Variants in WDR17 observed in about 807,000 individuals in gnomAD.
WDR17 encodes WD repeat-containing protein 17.
A neutral mutation model predicts 161.7 loss-of-function variants in WDR17; 143 were observed. That is an observed-to-expected ratio of 0.88 (90% confidence interval 0.77 to 1.02). The LOEUF is 1.02. Among genes scored for constraint, WDR17 ranks in the 50% least tolerant of loss-of-function variants. The pLI, the probability that WDR17 is intolerant of heterozygous loss-of-function variation, is 0.00. For synonymous variants in WDR17, 517 were observed against 515.6 expected (o/e 1.00, Z -0.04); for missense variants, 1,469 against 1,520.9 (o/e 0.97, Z 0.57).
intron 28 of WDR17, among the ~76,000 whole-genome samples, chr4:176,178,044 C>CAATAA (rs1382622669): frequency 9.3e-6 from 1 of 107,056 alleles, no homozygotes; most frequent in Non-Finnish European, 1.9e-5. Context: ...TCCCACCTCC[C>CAATAA]AATAATATAC....
chr4:176,077,106 A>G (rs1417823310), intron 1 of WDR17, among the ~76,000 whole-genome samples: 1 of 151,514 alleles, frequency 6.6e-6, no homozygotes, highest in Non-Finnish European at 1.5e-5. Flanking sequence ...CTGAAGAGCT[A>G]CACTTCCTTA....
chr4:176,084,156 C>G (rs1648379742), intron 1 of WDR17, among the ~76,000 whole-genome samples: 1 of 151,858 alleles, frequency 6.6e-6, no homozygotes, highest in South Asian at 2.1e-4. Context: ...TTTTGTGTTG[C>G]TATAAAGGCA....
chr4:176,095,687 T>A (rs919740843), intron 1 of WDR17, among the ~76,000 whole-genome samples: 1 of 152,074 alleles, frequency 6.6e-6, no homozygotes, highest in Non-Finnish European at 1.5e-5. Context: ...TTCCCTTCCT[T>A]CTTTCCTCGC....
chr4:176,092,848 C>T (rs1736305036), intron 1 of WDR17, among the ~76,000 whole-genome samples: 1 of 152,118 alleles, frequency 6.6e-6, no homozygotes, highest in Non-Finnish European at 1.5e-5. Flanking sequence ...TCAAGACCAG[C>T]CTGGCCAACA....
chr4:176,080,027 C>G (rs1339892867), intron 1 of WDR17, among the ~76,000 whole-genome samples: 1 of 151,828 alleles, frequency 6.6e-6, no homozygotes, highest in Non-Finnish European at 1.5e-5. Context: ...TTTAAAGGCC[C>G]CACGTTTCAA....
intron 22 of WDR17, chr4:176,166,062 G>A (rs1749731971): frequency 2.3e-6 from 2 of 887,794 alleles, no homozygotes; most frequent in South Asian, 3.5e-5. Flanking sequence ...TACTGTAAAA[G>A]TCTGTTTCTT....
At chr4:176,093,469 T>G (rs1736399073) in intron 1 of WDR17, among the ~76,000 whole-genome samples, 1 of 152,206 alleles carries the variant, frequency 6.6e-6, no homozygotes, top group Admixed American at 6.5e-5. Context: ...CAATGAAAAC[T>G]ACTTTACTTC....
chr4:176,153,167 G>T (rs970967748), intron 17 of WDR17, among the ~76,000 whole-genome samples: 9 of 152,134 alleles, frequency 5.9e-5, no homozygotes, highest in Non-Finnish European at 1.0e-4. Context: ...CTTGCATGCT[G>T]AAGTTTGAGA....
intron 1 of WDR17, among the ~76,000 whole-genome samples, chr4:176,077,121 A>T (rs893624201): frequency 1.3e-5 from 2 of 150,928 alleles, no homozygotes; most frequent in African/African-American, 4.9e-5. Flanking sequence ...TCCTTAGAGT[A>T]TAGTACTACT....
chr4:176,075,968 C>G (rs948570840), intron 1 of WDR17, among the ~76,000 whole-genome samples: 1 of 151,664 alleles, frequency 6.6e-6, no homozygotes, highest in Non-Finnish European at 1.5e-5. Flanking sequence ...CAGCGAGACC[C>G]TGGCTCAAAA....
chr4:176,084,109 T>G (rs1408163103), intron 1 of WDR17, among the ~76,000 whole-genome samples: 2 of 152,152 alleles, frequency 1.3e-5, no homozygotes, highest in Admixed American at 6.6e-5. Context: ...TTTCACACTT[T>G]TAACAATGTC....
intron 11 of WDR17, among the ~76,000 whole-genome samples, 155 bp downstream of exon 11, chr4:176,142,224 C>T (rs889546481): frequency 1.3e-5 from 2 of 152,076 alleles, no homozygotes; most frequent in Non-Finnish European, 2.9e-5. Flanking sequence ...TGTAATTGCT[C>T]ATTTATTTTA....
chr4:176,117,492 A>G (rs1740833953), intron 3 of WDR17, among the ~76,000 whole-genome samples: 2 of 152,104 alleles, frequency 1.3e-5, no homozygotes, highest in African/African-American at 2.4e-5. Flanking sequence ...ATAACTGCAT[A>G]TAATAAACAT....
chr4:176,175,801 T>C lies in WDR17; in HGVS notation c.3449+1083T>C, dbSNP rs1303797082. 3.3e-5 allele frequency among the ~76,000 whole-genome samples: 5 copies of C among 152,220 alleles called. No homozygotes were observed. The East Asian group carries it at 9.7e-4, about 29-fold the overall frequency. On this transcript the variant is annotated intron_variant, in intron 26 of 28. Coordinates refer to ENST00000508596, the MANE Select transcript of WDR17 (RefSeq NM_181265.4). ...GTCTCGATCTCCTGACCTCGTGATC[T>C]GCCTGCCTCGGCCTCCCAAAGTGCT...
intron 4 of WDR17, among the ~76,000 whole-genome samples, chr4:176,120,878 T>C (rs1741466651): frequency 6.6e-6 from 1 of 151,918 alleles, no homozygotes; most frequent in Non-Finnish European, 1.5e-5. Flanking sequence ...GAAATTGAAA[T>C]TGAACAAATG....
chr4:176,092,546 A>T (rs2126632423), intron 1 of WDR17, among the ~76,000 whole-genome samples: 1 of 152,328 alleles, frequency 6.6e-6, no homozygotes, highest in African/African-American at 2.4e-5. Context: ...GCAATCAGAC[A>T]GGAGAAAGGG....
chr4:176,099,974 T>G (rs1255247635), intron 1 of WDR17, among the ~76,000 whole-genome samples: 2 of 152,194 alleles, frequency 1.3e-5, no homozygotes, highest in Non-Finnish European at 2.9e-5. Flanking sequence ...TTTCATTATC[T>G]GATCATCTGT....
At chr4:176,157,037 G>A (rs1233503262) in intron 18 of WDR17, among the ~76,000 whole-genome samples, 1 of 152,074 alleles carries the variant, frequency 6.6e-6, no homozygotes, top group Non-Finnish European at 1.5e-5. Context: ...CATCGGCTAA[G>A]ACCCTATTTC....
intron 1 of WDR17, among the ~76,000 whole-genome samples, chr4:176,080,871 GA>G (rs1443218071): frequency 1.3e-5 from 2 of 152,180 alleles, no homozygotes; most frequent in African/African-American, 4.8e-5. Context: ...AATTGTGTAT[GA>G]AATGCTTATC....
Sources: allele counts gnomAD v4.1 joint callset (sites outside exome capture counted in the v4.1 genomes callset), GRCh38; gene constraint gnomAD v4.1.1; transcripts MANE v1.5; gene names NCBI Gene and HGNC (gene_info 2026-07-23, HGNC 2026-07-21).